Variants in NKAIN3 observed in about 807,000 individuals in gnomAD.
NKAIN3 encodes the protein sodium/potassium transporting ATPase interacting 3, also known as sodium/potassium-transporting ATPase subunit beta-1-interacting protein 3.
In NKAIN3, 25 loss-of-function variants were observed where a neutral mutation model predicts 30.2. That is an observed-to-expected ratio of 0.83 (90% confidence interval 0.60 to 1.16). The LOEUF (loss-of-function observed/expected upper bound fraction) is 1.16. Ranked by LOEUF, NKAIN3 falls within the 50% of genes most tolerant of loss-of-function variation. The pLI, the probability that NKAIN3 is intolerant of heterozygous loss-of-function variation, is 0.00. For synonymous variants in NKAIN3, 91 were observed against 89.6 expected, an observed-to-expected ratio of 1.02 and a Z score of -0.09; for missense variants, 225 against 254.1, an observed-to-expected ratio of 0.89 and a Z score of 0.78.
At chr8:62,611,295 T>C (rs191541979) in intron 3 of NKAIN3, among the ~76,000 whole-genome samples, 13 of 152,238 alleles carry the variant, frequency 8.5e-5, no homozygotes, top group Non-Finnish European at 1.5e-4. Context: ...TCCTTAAGCA[T>C]TTATGCTTTG....
intron 1 of NKAIN3, among the ~76,000 whole-genome samples, chr8:62,475,482 C>A (rs1039472583): frequency 1.3e-5 from 2 of 152,076 alleles, no homozygotes; most frequent in Admixed American, 6.6e-5. Context: ...AGTTTACATG[C>A]CATATAGTTC....
chr8:62,401,013 T>TTCTC (rs71559370), intron 1 of NKAIN3, among the ~76,000 whole-genome samples: 81 of 143,860 alleles, frequency 5.6e-4, no homozygotes, highest in African/African-American at 1.6e-3. Context: ...CTTTCTACCT[T>TTCTC]TCTCTCACTC....
intron 6 of NKAIN3, among the ~76,000 whole-genome samples, chr8:62,955,523 C>G (rs1370032120): frequency 6.6e-6 from 1 of 151,594 alleles, no homozygotes; most frequent in Non-Finnish European, 1.5e-5. Flanking sequence ...GGGTTTCTTT[C>G]ATCTCCACTG....
intron 3 of NKAIN3, among the ~76,000 whole-genome samples, chr8:62,679,270 T>C (rs1813576601): frequency 6.6e-6 from 1 of 152,190 alleles, no homozygotes; most frequent in Admixed American, 6.5e-5. Flanking sequence ...AGAATCATCA[T>C]ATGCTTCCCA....
At chr8:62,953,252 T>C (rs1823333898) in intron 5 of NKAIN3, among the ~76,000 whole-genome samples, 1 of 152,198 alleles carries the variant, frequency 6.6e-6, no homozygotes, top group South Asian at 2.1e-4. Flanking sequence ...GTATCTTTAA[T>C]GGACTATGAA....
intron 1 of NKAIN3, among the ~76,000 whole-genome samples, chr8:62,558,728 T>C (rs1473550769): frequency 6.6e-6 from 1 of 152,036 alleles, no homozygotes; most frequent in Non-Finnish European, 1.5e-5. Flanking sequence ...CCTGCACACT[T>C]GGGTTTATTT....
intron 4 of NKAIN3, among the ~76,000 whole-genome samples, chr8:62,896,282 A>T (rs1281758368): frequency 6.6e-6 from 1 of 152,048 alleles, no homozygotes; most frequent in East Asian, 1.9e-4. Context: ...TAGTCTCATC[A>T]TGGGGGCTCC....
At chr8:62,935,374 T>C (rs1822752798) in intron 5 of NKAIN3, among the ~76,000 whole-genome samples, 1 of 152,188 alleles carries the variant, frequency 6.6e-6, no homozygotes, top group Non-Finnish European at 1.5e-5. Flanking sequence ...TGTTGTTTAC[T>C]GCATGCTTTC....
intron 4 of NKAIN3, among the ~76,000 whole-genome samples, chr8:62,771,113 A>G (rs1816994218): frequency 6.6e-6 from 1 of 152,136 alleles, no homozygotes; most frequent in Non-Finnish European, 1.5e-5. Context: ...AAAATGTCCA[A>G]AATTTTAAAA....
intron 4 of NKAIN3, among the ~76,000 whole-genome samples, chr8:62,822,366 A>G (rs1818874417): frequency 6.6e-6 from 1 of 152,188 alleles, no homozygotes; most frequent in Non-Finnish European, 1.5e-5. Flanking sequence ...AAGAACATTA[A>G]TATGAGGTAA....
chr8:62,953,370 T>C (rs1258336375), intron 5 of NKAIN3, among the ~76,000 whole-genome samples: 1 of 152,064 alleles, frequency 6.6e-6, no homozygotes, highest in African/African-American at 2.4e-5. Context: ...AAATGAGAAG[T>C]CTATACAGAC....
At chr8:62,823,054 G>A (rs1296263431) in intron 4 of NKAIN3, among the ~76,000 whole-genome samples, 1 of 152,186 alleles carries the variant, frequency 6.6e-6, no homozygotes, top group Non-Finnish European at 1.5e-5. Context: ...CTTAGCATGA[G>A]TGGAGCATGC....
intron 3 of NKAIN3, among the ~76,000 whole-genome samples, chr8:62,724,924 CT>C (rs371842594): frequency 1.1e-4 from 16 of 149,268 alleles, no homozygotes; most frequent in East Asian, 2.0e-4. Flanking sequence ...CACATGATAG[CT>C]TTTTTTTTTC....
At chr8:62,254,763 G>A (rs891572172) in intron 1 of NKAIN3, among the ~76,000 whole-genome samples, 3 of 152,158 alleles carry the variant, frequency 2.0e-5, no homozygotes, top group Admixed American at 6.5e-5. Flanking sequence ...TCCGTGGCAT[G>A]TAAATCATGG....
intron 1 of NKAIN3, among the ~76,000 whole-genome samples, chr8:62,378,060 G>C (rs563868786): frequency 6.6e-6 from 1 of 152,294 alleles, no homozygotes; most frequent in South Asian, 2.1e-4. Context: ...TTAGAGACTT[G>C]TTGAATTGCT....
At chr8:62,929,115 A>G (rs1040950412) in intron 5 of NKAIN3, among the ~76,000 whole-genome samples, 2 of 152,232 alleles carry the variant, frequency 1.3e-5, no homozygotes, top group African/African-American at 4.8e-5. Flanking sequence ...AGCAGTAAGC[A>G]TGCAGGGAAT....
In NKAIN3 at chr8:62,322,445, T is replaced by A. The variant is rs566872609; in HGVS notation, c.54+73318T>A. ...CACACTGGGAGCTGTAGACTGGAGC[T>A]GTTGCTATTCAGCATCTTGGCTCCA... On this transcript the variant is annotated intron_variant, in intron 1 of 6. Transcript: ENST00000623646. Among the ~76,000 whole-genome samples the A allele has an allele frequency of 5.4e-5, 8 of 149,518 alleles. No homozygotes were observed. The East Asian group carries it at 1.4e-3, about 25-fold the overall frequency.
chr8:62,992,454 C>T (rs1824340599), intron 5 of NKAIN3, among the ~76,000 whole-genome samples: 1 of 152,016 alleles, frequency 6.6e-6, no homozygotes, highest in Admixed American at 6.5e-5. Flanking sequence ...TGAAACTTCC[C>T]AGGGCCTGAG....
intron 1 of NKAIN3, among the ~76,000 whole-genome samples, chr8:62,474,567 A>G (rs1352108833): frequency 1.3e-5 from 2 of 152,220 alleles, no homozygotes; most frequent in African/African-American, 4.8e-5. Flanking sequence ...AATAATAATA[A>G]ATTTAAGAAA....
Sources: allele counts gnomAD v4.1 joint callset (sites outside exome capture counted in the v4.1 genomes callset), GRCh38; gene constraint gnomAD v4.1.1; transcripts MANE v1.5; gene names NCBI Gene and HGNC (gene_info 2026-07-23, HGNC 2026-07-21).